The following CPXM2 variants were observed in gnomAD, a reference collection of about 807,000 sequenced individuals.
The protein encoded by CPXM2 is carboxypeptidase X, M14 family member 2.
In CPXM2, 66 loss-of-function variants were observed where a neutral mutation model predicts 86.1. The observed-to-expected ratio is 0.77, with a 90% CI of 0.63 to 0.94. The LOEUF (loss-of-function observed/expected upper bound fraction) is 0.94, where lower values mean the gene tolerates loss of function less well. Among genes scored for constraint, CPXM2 ranks in the 40% least tolerant of loss-of-function variants. The probability of loss-of-function intolerance (pLI) is 0.00; values close to 1 mark genes in which losing one functional copy is unlikely to be tolerated. For missense variants in CPXM2, 948 were observed against 1,026.3 expected, an observed-to-expected ratio of 0.92 and a Z score of 1.04; for synonymous variants, 388 against 400.2, an observed-to-expected ratio of 0.97 and a Z score of 0.36.
chr10:123,750,338 T>C, intron 13 of CPXM2: 1 of 973,396 alleles, frequency 1.0e-6, no homozygotes, highest in Admixed American at 6.2e-5. Context: ...TCCACATCAT[T>C]GCACTCCACT....
chr10:123,804,181 T>C (rs1032173870), intron 4 of CPXM2, among the ~76,000 whole-genome samples: 5 of 152,212 alleles, frequency 3.3e-5, no homozygotes, highest in Non-Finnish European at 7.3e-5. Context: ...TATCTGATAG[T>C]ATATGTTTTC....
At chr10:123,798,175 C>A in intron 5 of CPXM2, 49 bp from the exon 6 acceptor site, 2 of 1,489,764 alleles carry the variant, frequency 1.3e-6, no homozygotes, top group Admixed American at 2.0e-5. Flanking sequence ...GCTTAATTAC[C>A]AAGGGATAAA....
intron 2 of CPXM2, among the ~76,000 whole-genome samples, chr10:123,878,506 C>CGGGT (rs1945030092): frequency 7.4e-6 from 1 of 134,800 alleles, no homozygotes; most frequent in Non-Finnish European, 1.6e-5. Flanking sequence ...CAAATTCAGA[C>CGGGT]GTGTGTGTGT....
At position 123,891,480 on chromosome 10, in the gene CPXM2, C is replaced by T. The variant is rs1224047732; in HGVS notation, c.180G>A (p.Pro60=). Residue 60 remains proline, a synonymous_variant, in exon 1 of 14, where the codon CCG becomes CCA. Coordinates refer to ENST00000241305, the MANE Select transcript of CPXM2 (RefSeq NM_198148.3). This position sits in a 1 kb window ranked among gnomAD's most constrained non-coding sequence, Gnocchi z 5.6. ...PEPELETFSP[P]LPAGPGEEWE... is the part of the protein sequence containing the mutation. ...ACTCCTCCCCGGGCCCCGCAGGCAG[C>T]GGCGGAGAGAAGGTCTCGAGCTCGG... The T allele has an allele frequency of 7.8e-6, 12 of 1,547,950 alleles. No homozygotes were observed. The highest frequency in any genetic ancestry group is 8.7e-6 in the Non-Finnish European group (10 of 1,145,470).
At position 123,762,019 on chromosome 10, in the gene CPXM2, C is replaced by T. The variant is rs752778704; in HGVS notation, c.1630G>A (p.Asp544Asn). 4.3e-6 allele frequency: 7 copies of T among 1,613,638 alleles called. No homozygotes were observed. The highest frequency in any genetic ancestry group is 5.1e-6 in the Non-Finnish European group (6 of 1,179,768). Reference sequence around the variant, plus strand: ...GCCAGCCAGCGGAACACGTGGTCGTCGGGGGTGGGGGTGTGTTCCTGCGTC... The same window carrying T: ...GCCAGCCAGCGGAACACGTGGTCGTTGGGGGTGGGGGTGTGTTCCTGCGTC... ...WKTQEHTPTP[D>N]DHVFRWLAYS... Residue 544 changes from aspartate to asparagine, a missense_variant, in exon 11 of 14, where the codon GAC becomes AAC. Asp to Asn is a conservative substitution (Grantham distance 23, BLOSUM62 1). Coordinates refer to ENST00000241305, the MANE Select transcript of CPXM2 (RefSeq NM_198148.3).
At chr10:123,772,808 C>T (rs954818568) in intron 7 of CPXM2, among the ~76,000 whole-genome samples, 20 of 129,510 alleles carry the variant, frequency 1.5e-4, no homozygotes, top group Middle Eastern at 6.8e-3. Flanking sequence ...CTGGTTGTGG[C>T]TATCACTTCC....
chr10:123,941,736 C>T (rs918586736), upstream of CPXM2, among the ~76,000 whole-genome samples: 1 of 152,230 alleles, frequency 6.6e-6, no homozygotes, highest in Non-Finnish European at 1.5e-5. Context: ...CTTTCCCCCT[C>T]CTCTGCCTTT....
chr10:123,786,482 G>A (rs537406590), intron 6 of CPXM2, among the ~76,000 whole-genome samples: 118 of 152,212 alleles, frequency 7.8e-4, no homozygotes, highest in African/African-American at 2.7e-3. Context: ...CATACCTGAC[G>A]GCAAACAATT....
Position 123,797,377 on chromosome 10 carries a change from G to A in CPXM2, c.889+599C>T, listed in dbSNP as rs568742076. 2.0e-5 allele frequency among the ~76,000 whole-genome samples: 3 copies of A among 152,252 alleles called. No individual in the cohort carries two copies. In the South Asian group the frequency reaches 6.2e-4, roughly 32 times the overall value. On this transcript the variant is annotated intron_variant, in intron 6 of 13. Coordinates refer to ENST00000241305, the MANE Select transcript of CPXM2 (RefSeq NM_198148.3). Reference sequence around the variant, plus strand: ...TTTTCTTTTTTCTCACTTCTGAGTGGTAGGCATCATCTTAAAATCACTATA... The same window carrying A: ...TTTTCTTTTTTCTCACTTCTGAGTGATAGGCATCATCTTAAAATCACTATA...
chr10:123,832,053 C>T (rs903011022), intron 4 of CPXM2, among the ~76,000 whole-genome samples: 2 of 151,422 alleles, frequency 1.3e-5, no homozygotes, highest in African/African-American at 4.9e-5. Flanking sequence ...GCCCCTTCCT[C>T]CAAAAAGAAA....
At chr10:123,790,609 C>A (rs1418489680) in intron 6 of CPXM2, among the ~76,000 whole-genome samples, 1 of 152,118 alleles carries the variant, frequency 6.6e-6, no homozygotes, top group African/African-American at 2.4e-5. Flanking sequence ...CTGCCTTCTG[C>A]TGCTAGGAGG....
intron 4 of CPXM2, among the ~76,000 whole-genome samples, chr10:123,840,739 TA>T (rs950186192): frequency 1.5e-4 from 23 of 150,308 alleles, no homozygotes; most frequent in Non-Finnish European, 1.0e-4. Context: ...GTCTTTACAG[TA>T]AAAAAAAAAT....
chr10:123,889,516 T>C (rs1945232811), intron 1 of CPXM2, among the ~76,000 whole-genome samples: 1 of 152,158 alleles, frequency 6.6e-6, no homozygotes. Flanking sequence ...TCCCCATTCC[T>C]AGGATCTCAC....
rs78405431 is a variant in CPXM2, at chr10:123,754,232, C to T, written c.2017+431G>A. ...TGCTGGTCCCTTCAAACTCTCCACT[C>T]CTCCACAAGTCACCCAGTCTACAGC... On this transcript the variant is annotated intron_variant, in intron 13 of 13. Transcript: ENST00000241305. This position sits in a 1 kb window ranked among gnomAD's most constrained non-coding sequence, Gnocchi z 4.0. 6.6e-6 allele frequency among the ~76,000 whole-genome samples: 1 copy of T among 152,212 alleles called. No individual in the cohort carries two copies. Among genetic ancestry groups the T allele is most frequent in the African/African-American group, 2.4e-5 (1 of 41,452 alleles).
intron 9 of CPXM2, among the ~76,000 whole-genome samples, chr10:123,767,576 C>G (rs183288187): frequency 6.6e-6 from 1 of 152,324 alleles, no homozygotes; most frequent in South Asian, 2.1e-4. Flanking sequence ...CTGACTATAT[C>G]TGCACCAATA....
At chr10:123,809,280 C>T (rs183412167) in intron 4 of CPXM2, among the ~76,000 whole-genome samples, 46 of 152,126 alleles carry the variant, frequency 3.0e-4, no homozygotes, top group Admixed American at 2.1e-3. Flanking sequence ...TTAAATGAAA[C>T]GGTGATTCTC....
intron 2 of CPXM2, among the ~76,000 whole-genome samples, chr10:123,932,904 A>G (rs1249162449): frequency 1.3e-5 from 2 of 152,104 alleles, no homozygotes; most frequent in African/African-American, 4.8e-5. Context: ...CATGGGGGAG[A>G]GCTGGTTCTG....
intron 4 of CPXM2, among the ~76,000 whole-genome samples, chr10:123,838,018 A>T (rs1848313203): frequency 6.6e-6 from 1 of 152,192 alleles, no homozygotes; most frequent in African/African-American, 2.4e-5. Flanking sequence ...CTTCCACTAG[A>T]CTGAAAGCTC....
At chr10:123,840,430 T>C (rs1590055097) in intron 4 of CPXM2, among the ~76,000 whole-genome samples, 1 of 152,350 alleles carries the variant, frequency 6.6e-6, no homozygotes, top group East Asian at 1.9e-4. Flanking sequence ...TCTGAAAATG[T>C]ATTCAAAGAA....
Sources: gnomAD v4.1 joint callset for allele counts (sites outside exome capture counted in the v4.1 genomes callset) on GRCh38, gnomAD v4.1.1 for gene constraint, Gnocchi (gnomAD v3.1) non-coding constraint, MANE v1.5 for transcripts, NCBI Gene and HGNC (gene_info 2026-07-23, HGNC 2026-07-21) for gene names.